The following TAOK3 variants were observed in gnomAD, a reference collection of about 807,000 sequenced individuals.
The protein encoded by TAOK3 is TAO kinase 3, also known as serine/threonine-protein kinase TAO3.
TAOK3 carries 40 observed loss-of-function variants against 120.4 expected under a neutral mutation model. That is an observed-to-expected ratio of 0.33 (90% CI 0.26 to 0.43). The LOEUF (loss-of-function observed/expected upper bound fraction) is 0.43, where lower values mean the gene tolerates loss of function less well. Among genes scored for constraint, TAOK3 ranks in the 20% least tolerant of loss-of-function variants. The pLI is 1.00. For missense variants in TAOK3, 821 were observed against 1,112.1 expected (o/e 0.74, Z 3.72); for synonymous variants, 355 against 387.5 (o/e 0.92, Z 0.99).
rs1274121379 is a variant in TAOK3 at position 118,371,576 on chromosome 12, C to CT, written c.-194+1071dup. ...TCACACTCCACCCTCAGGGAGGTCG[C>CT]TGATGCCAGACCCTGGGAGCACCTC... On this transcript the variant is annotated intron_variant, in intron 1 of 20. Transcript: ENST00000392533. This position sits in a 1 kb window ranked among gnomAD's most constrained non-coding sequence, Gnocchi z 5.5. Among the ~76,000 whole-genome samples, 2 of 152,136 alleles carry CT rather than the reference C, an allele frequency of 1.3e-5. No homozygotes were observed. Among genetic ancestry groups the CT allele is most frequent in the Non-Finnish European group, 2.9e-5 (2 of 68,002 alleles).
chr12:118,207,990 A>C (rs1179393811), intron 11 of TAOK3, among the ~76,000 whole-genome samples: 1 of 152,162 alleles, frequency 6.6e-6, no homozygotes, highest in East Asian at 1.9e-4. Flanking sequence ...TTAAAAAAAA[A>C]ATTATTAAAG....
chr12:118,182,621 A>ATTTTTT (rs1255090106), intron 14 of TAOK3, among the ~76,000 whole-genome samples: 6 of 98,976 alleles, frequency 6.1e-5, no homozygotes, highest in Non-Finnish European at 1.1e-4. Context: ...ATATATATAT[A>ATTTTTT]TATTTTTTTT....
chr12:118,155,282 C>T (rs992177096), intron 19 of TAOK3, among the ~76,000 whole-genome samples: 6 of 152,320 alleles, frequency 3.9e-5, no homozygotes, highest in Non-Finnish European at 2.9e-5. Context: ...AGGCATGAGC[C>T]GCTTCGCCCA....
At chr12:118,151,286 C>CGT (rs2034403843) in intron 20 of TAOK3, 128 bp from the exon 21 acceptor site, 1 of 439,422 alleles carries the variant, frequency 2.3e-6, no homozygotes, top group Non-Finnish European at 3.7e-6. Flanking sequence ...AGTGCGCGCG[C>CGT]GCGCACACAC....
chr12:118,311,227 G>A (rs1169250595), intron 1 of TAOK3, among the ~76,000 whole-genome samples: 3 of 152,156 alleles, frequency 2.0e-5, no homozygotes, highest in African/African-American at 4.8e-5. Flanking sequence ...TTGGGAGACC[G>A]AGGCAGGTGG....
chr12:118,349,910 TG>T (rs2045060076), intron 1 of TAOK3, among the ~76,000 whole-genome samples: 2 of 152,218 alleles, frequency 1.3e-5, no homozygotes, highest in Non-Finnish European at 2.9e-5. Context: ...TACTTAACTG[TG>T]GCGTCTTTAG....
intron 1 of TAOK3, among the ~76,000 whole-genome samples, chr12:118,309,448 T>C (rs2043182347): frequency 6.6e-6 from 1 of 152,096 alleles, no homozygotes; most frequent in Non-Finnish European, 1.5e-5. Context: ...TCTTCAATTT[T>C]ATTTCTTGAA....
chr12:118,199,332 C>T, intron 12 of TAOK3, 75 bp from the exon 13 acceptor site: 1 of 1,228,018 alleles, frequency 8.1e-7, no homozygotes, highest in Non-Finnish European at 1.2e-6. Flanking sequence ...AAGTGTCAAG[C>T]ACACTCAATT....
intron 2 of TAOK3, among the ~76,000 whole-genome samples, chr12:118,265,532 CAT>C (rs1593345953): frequency 6.6e-6 from 1 of 150,468 alleles, no homozygotes; most frequent in Non-Finnish European, 1.5e-5. Flanking sequence ...AAATATGAAA[CAT>C]GTAACTTCAC....
chr12:118,228,589 A>T (rs898125243), intron 9 of TAOK3, among the ~76,000 whole-genome samples: 8 of 152,204 alleles, frequency 5.3e-5, no homozygotes, highest in African/African-American at 1.9e-4. Flanking sequence ...ATCCATGATG[A>T]TACATGTAGA....
chr12:118,361,073 A>G (rs2045582902), intron 1 of TAOK3, among the ~76,000 whole-genome samples: 1 of 152,226 alleles, frequency 6.6e-6, no homozygotes, highest in Admixed American at 6.5e-5. Flanking sequence ...ACCCTAAATT[A>G]ACATCAGAAG....
intron 1 of TAOK3, among the ~76,000 whole-genome samples, chr12:118,349,333 T>C (rs952069255): frequency 2.0e-5 from 3 of 152,250 alleles, no homozygotes; most frequent in African/African-American, 7.2e-5. Flanking sequence ...GAAACATTAT[T>C]AATATCCAAA....
Position 118,194,425 on chromosome 12 carries a change from T to C in TAOK3, c.1195-4484A>G, listed in dbSNP as rs188701096. Among the ~76,000 whole-genome samples the C allele has an allele frequency of 7.2e-5, 11 of 152,250 alleles. No individual in the cohort carries two copies. In the East Asian group the frequency reaches 2.1e-3, roughly 29 times the overall value. ...AAAAGGCTGAGGAGAAAGACGTTAC[T>C]ACAGAGAAGTGTTGTATGACTGCTC... is the stretch of plus-strand genomic sequence containing the variant. On this transcript the variant is annotated intron_variant, in intron 13 of 20. Transcript: ENST00000392533.
At chr12:118,179,952 T>TTC (rs1593059918) in intron 15 of TAOK3, among the ~76,000 whole-genome samples, 1 of 147,106 alleles carries the variant, frequency 6.8e-6, no homozygotes, top group Non-Finnish European at 1.5e-5. Context: ...GGCTGGTTTT[T>TTC]TTTTTTTTTT....
intron 17 of TAOK3, among the ~76,000 whole-genome samples, chr12:118,170,453 C>T (rs553057591): frequency 6.6e-6 from 1 of 152,170 alleles, no homozygotes; most frequent in South Asian, 2.1e-4. Context: ...TTAGCCATAT[C>T]ACTGCCCTTC....
At chr12:118,267,558 C>G (rs1205307965) in intron 1 of TAOK3, among the ~76,000 whole-genome samples, 6 of 150,974 alleles carry the variant, frequency 4.0e-5, no homozygotes, top group African/African-American at 1.5e-4. Context: ...GAAGTACATG[C>G]CCAATGTAGA....
chr12:118,159,522 C>A (rs1399578208), intron 19 of TAOK3, among the ~76,000 whole-genome samples: 2 of 152,064 alleles, frequency 1.3e-5, no homozygotes, highest in African/African-American at 4.8e-5. Flanking sequence ...AGCCTGGTTT[C>A]GAACTCCTGA....
chr12:118,314,825 T>C (rs542050583), intron 1 of TAOK3, among the ~76,000 whole-genome samples: 2 of 152,338 alleles, frequency 1.3e-5, no homozygotes, highest in African/African-American at 4.8e-5. Context: ...AAAAAATTAC[T>C]ACAACCATTT....
chr12:118,263,277 T>G (rs1045945314), intron 2 of TAOK3, among the ~76,000 whole-genome samples: 1 of 152,212 alleles, frequency 6.6e-6, no homozygotes, highest in African/African-American at 2.4e-5. Context: ...ACTGGAACAC[T>G]TGCATCCAAA....
Sources: gnomAD v4.1 joint callset for allele counts (sites outside exome capture counted in the v4.1 genomes callset) on GRCh38, gnomAD v4.1.1 for gene constraint, Gnocchi (gnomAD v3.1) non-coding constraint, MANE v1.5 for transcripts, NCBI Gene and HGNC (gene_info 2026-07-23, HGNC 2026-07-21) for gene names.